Variants in INO80 observed in about 807,000 individuals in gnomAD.
INO80 encodes the protein chromatin-remodeling ATPase INO80.
Under a neutral mutation model 203.4 loss-of-function variants are expected in INO80, and 20 were observed. The observed-to-expected ratio is 0.10, with a 90% CI of 0.07 to 0.14. The LOEUF (loss-of-function observed/expected upper bound fraction) is 0.14, where lower values mean the gene tolerates loss of function less well. INO80 is among the 10% of genes least tolerant of loss of function. INO80 has a pLI of 1.00. For synonymous variants in INO80, 726 were observed against 685.2 expected (o/e 1.06, Z -0.93); for missense variants, 1,419 against 1,914.4 (o/e 0.74, Z 4.83).
chr15:41,064,163 A>G (rs1427614235), intron 14 of INO80, among the ~76,000 whole-genome samples: 1 of 152,234 alleles, frequency 6.6e-6, no homozygotes, highest in Non-Finnish European at 1.5e-5. Flanking sequence ...ACATATATGC[A>G]ACACTGCAAT....
At chr15:41,062,874 T>C (rs2045137216) in intron 14 of INO80, among the ~76,000 whole-genome samples, 1 of 152,216 alleles carries the variant, frequency 6.6e-6, no homozygotes, top group African/African-American at 2.4e-5. Flanking sequence ...TACTCAGTTT[T>C]CTGTGTTTTG....
intron 6 of INO80, among the ~76,000 whole-genome samples, chr15:41,086,381 T>C (rs2045565437): frequency 6.6e-6 from 1 of 152,172 alleles, no homozygotes; most frequent in Non-Finnish European, 1.5e-5. Context: ...CCAGGTGCGA[T>C]GGCTCACGCC....
At chr15:41,009,880 G>T (rs2044107831) in intron 27 of INO80, among the ~76,000 whole-genome samples, 1 of 152,234 alleles carries the variant, frequency 6.6e-6, no homozygotes, top group East Asian at 1.9e-4. Flanking sequence ...GATTACAGGT[G>T]TAAGCCACTG....
intron 1 of INO80, among the ~76,000 whole-genome samples, chr15:41,101,442 A>G (rs997059254): frequency 2.0e-5 from 3 of 152,158 alleles, no homozygotes; most frequent in Non-Finnish European, 4.4e-5. Flanking sequence ...ATCTTGGAAG[A>G]GCCTGAAGAG....
rs770807556 is a variant in INO80 at position 41,031,905 on chromosome 15, C to T, written c.2908-4169G>A. 8.8e-4 allele frequency among the ~76,000 whole-genome samples: 134 copies of T among 151,882 alleles called. 1 individual carries two copies. Among genetic ancestry groups the T allele is most frequent in the Non-Finnish European group, 1.2e-3 (84 of 67,996 alleles). Reference sequence around the variant, plus strand: ...GGATGACAGGCTCCATAGCTGCATACTCCTTGCCACAGCACAGCACAGCAC... The same window carrying T: ...GGATGACAGGCTCCATAGCTGCATATTCCTTGCCACAGCACAGCACAGCAC... On this transcript the variant is annotated intron_variant, in intron 24 of 35. Transcript: ENST00000648947.
chr15:41,078,040 C>T lies in INO80; in HGVS notation c.1131+1661G>A, dbSNP rs1197879788. The stretch of plus-strand genomic sequence containing the variant: ...TCAGCCTCCCAAGCAGCTGAGATTA[C>T]AGGCGGCCGCCACCATGCCCGGCTA... On this transcript the variant is annotated intron_variant, in intron 9 of 35. Coordinates refer to ENST00000648947, the MANE Select transcript of INO80 (RefSeq NM_017553.3). Among the ~76,000 whole-genome samples, 4 of 151,798 alleles carry T rather than the reference C, an allele frequency of 2.6e-5. No individual in the cohort carries two copies. In the East Asian group the frequency reaches 7.7e-4, roughly 29 times the overall value.
rs59485772 is a variant in INO80 at position 41,042,015 on chromosome 15, ATTTTTTTT to A, written c.2907+2881_2907+2888del. Among the ~76,000 whole-genome samples the A allele has an allele frequency of 2.2e-5, 3 of 133,954 alleles. No individual in the cohort carries two copies. In the East Asian group the frequency reaches 6.5e-4, roughly 29 times the overall value. 87.9% of individuals were successfully genotyped at this position (133,954 alleles called of 152,430 possible). The stretch of plus-strand genomic sequence containing the variant: ...ATGCTTGGCTAATTTTTAATTTTTA[ATTTTTTTT>A]TTTTTTTTGAGACAGAATCTTGCTC... On this transcript the variant is annotated intron_variant, in intron 24 of 35. Transcript: ENST00000648947.
intron 35 of INO80, among the ~76,000 whole-genome samples, chr15:40,980,948 A>G (rs1268447628): frequency 6.6e-6 from 1 of 152,102 alleles, no homozygotes; most frequent in South Asian, 2.1e-4. Context: ...TGCGCTGGCA[A>G]TGGCCACCCC....
intron 12 of INO80, 60 bp from the exon 13 acceptor site, chr15:41,070,607 G>A: frequency 1.4e-6 from 2 of 1,386,132 alleles, no homozygotes; most frequent in Admixed American, 3.4e-5. Context: ...AGTTCAACCT[G>A]TTACCAAAAA....
At chr15:41,106,742 G>A (rs967292991) in intron 1 of INO80, among the ~76,000 whole-genome samples, 13 of 152,216 alleles carry the variant, frequency 8.5e-5, no homozygotes, top group African/African-American at 2.7e-4. Context: ...ACTCAAGTAT[G>A]TACATATATC....
chr15:41,007,182 C>CTTTTTTT (rs11330780), intron 27 of INO80, among the ~76,000 whole-genome samples: 1 of 119,310 alleles, frequency 8.4e-6, no homozygotes, highest in Non-Finnish European at 1.7e-5. Flanking sequence ...TTTTTTTTTT[C>CTTTTTTT]TTTTTTTTTT....
At chr15:41,100,352 G>C (rs1322926430) in intron 1 of INO80, among the ~76,000 whole-genome samples, 1 of 152,158 alleles carries the variant, frequency 6.6e-6, no homozygotes, top group Non-Finnish European at 1.5e-5. Flanking sequence ...GGGATTACAG[G>C]TGTGAGCCAC....
chr15:41,104,700 G>A (rs1351361182), intron 1 of INO80, among the ~76,000 whole-genome samples: 1 of 151,906 alleles, frequency 6.6e-6, no homozygotes, highest in African/African-American at 2.4e-5. Flanking sequence ...ACCACACCTG[G>A]CTAATTTTTT....
chr15:41,059,386 A>G (rs189203227), intron 15 of INO80, among the ~76,000 whole-genome samples: 277 of 149,726 alleles, frequency 1.9e-3, no homozygotes, highest in African/African-American at 6.1e-3. Flanking sequence ...GCACTTTGGG[A>G]GGCCGAGGCA....
chr15:41,103,032 G>A (rs1452559588), intron 1 of INO80, among the ~76,000 whole-genome samples: 16 of 152,160 alleles, frequency 1.1e-4, no homozygotes, highest in Non-Finnish European at 1.5e-5. Flanking sequence ...TTCTAGAAAG[G>A]CTTTCTAGAT....
chr15:41,085,403 A>G lies in INO80; in HGVS notation c.839T>C (p.Val280Ala), dbSNP rs1473630133. ...TTCCTTTTTCACAATGCTGAGCCAT[A>G]CTTTCCTGCGACGAGCATTCAGCTG... ...IEQLNARRRK[V>A]WLSIVKKELP... Residue 280 changes from valine to alanine, a missense_variant, in exon 7 of 36, where the codon GTA (valine) becomes GCA (alanine). Physicochemically the swap from Val to Ala is moderately conservative, Grantham distance 64. Transcript: ENST00000648947. 6 of 1,613,980 alleles carry G rather than the reference A, an allele frequency of 3.7e-6. No homozygotes were observed. In the Admixed American group the frequency reaches 8.3e-5, roughly 22 times the overall value.
At chr15:41,023,878 A>AT (rs1160875426) in intron 25 of INO80, among the ~76,000 whole-genome samples, 1 of 151,504 alleles carries the variant, frequency 6.6e-6, no homozygotes, top group Non-Finnish European at 1.5e-5. Context: ...TGATTTAAAA[A>AT]TTTTTATTTA....
rs183039714 is a variant in INO80, at chr15:40,994,074, A to G, written c.3570+3455T>C. On this transcript the variant is annotated intron_variant, in intron 29 of 35. Coordinates refer to ENST00000648947, the MANE Select transcript of INO80 (RefSeq NM_017553.3). ...TCTGCTTCTGCAATAGCCATCTCAT[A>G]CTACTCTCCCCATAGTTGATTCTGT... 1.8e-4 allele frequency among the ~76,000 whole-genome samples: 28 copies of G among 152,232 alleles called. No homozygotes were observed. In the East Asian group the frequency reaches 4.1e-3, roughly 22 times the overall value.
At chr15:40,984,753 C>T (rs923066114) in intron 32 of INO80, among the ~76,000 whole-genome samples, 35 of 152,204 alleles carry the variant, frequency 2.3e-4, no homozygotes, top group African/African-American at 7.5e-4. Context: ...CCTCACCAGC[C>T]GCTGGCACAT....
Sources: gnomAD v4.1 joint callset for allele counts (sites outside exome capture counted in the v4.1 genomes callset) on GRCh38, gnomAD v4.1.1 for gene constraint, MANE v1.5 for transcripts, NCBI Gene and HGNC (gene_info 2026-07-23, HGNC 2026-07-21) for gene names.